Variants in CST3 observed in about 807,000 individuals in gnomAD.
CST3 encodes the protein cystatin-C.
CST3 carries 14 observed loss-of-function variants against 9.0 expected under a neutral mutation model. That is an observed-to-expected ratio of 1.56 (90% confidence interval 1.03 to 2.44). The LOEUF (loss-of-function observed/expected upper bound fraction) is 2.44. Ranked by LOEUF, CST3 falls within the 30% of genes most tolerant of loss-of-function variation. CST3 has a pLI of 0.00. For missense variants in CST3, 237 were observed against 204.3 expected (o/e 1.16, Z -0.98); for synonymous variants, 96 against 90.2 (o/e 1.06, Z -0.37).
Position 23,637,849 on chromosome 20 carries a change from A to G in CST3, c.14T>C (p.Leu5Pro). 7.8e-7 allele frequency: 1 copy of G among 1,283,840 alleles called. No homozygotes were observed. Among genetic ancestry groups the G allele is most frequent in the East Asian group, 4.6e-5 (1 of 21,928 alleles). 79.5% of individuals were successfully genotyped at this position (1,283,840 alleles called of 1,614,324 possible). The change falls in exon 1 of 3, where the codon CTG becomes CCG. Residue 5 changes from leucine to proline, a missense_variant. Leu to Pro is a moderately conservative substitution (Grantham distance 98, BLOSUM62 -3). Coordinates refer to ENST00000376925, the MANE Select transcript of CST3 (RefSeq NM_000099.4). MAGP[L>P]RAPLLLLAIL... ...GGCCAGCAGGAGCAGCGGGGCGCGC[A>G]GGGGCCCGGCCATGGTCGGCTAGGA...
In CST3 at chr20:23,633,919, G is replaced by A; in HGVS notation, c.438C>T (p.Ala146=). ...CAGGCCAGCCCGGTACAGACCCCTA[G>A]GCGTCCTGACAGGTGGATTTCGACA... ...MTLSKSTCQD[A] Residue 146 remains alanine (A), a synonymous_variant, in exon 3 of 3, where the codon GCC becomes GCT. Coordinates refer to ENST00000376925, the MANE Select transcript of CST3 (RefSeq NM_000099.4). The A allele has an allele frequency of 6.2e-7, 1 of 1,613,946 alleles. No homozygotes were observed. Among genetic ancestry groups the A allele is most frequent in the Non-Finnish European group, 8.5e-7 (1 of 1,179,842 alleles).
downstream of CST3, chr20:23,631,736 C>G (rs907293226): frequency 6.6e-6 from 1 of 152,164 alleles, no homozygotes; most frequent in Non-Finnish European, 1.5e-5. Context: ...CTGATCCCAC[C>G]CCAATGGTCA....
chr20:23,626,936 G>A (rs540104776), exon 4 of CST3: 1 of 152,236 alleles, frequency 6.6e-6, no homozygotes, highest in South Asian at 2.1e-4. Context: ...GGAACATATG[G>A]CTGGAAATTA....
intron 1 of CST3, 59 bp downstream of exon 1, chr20:23,637,561 C>CG (rs1979730191): frequency 7.1e-7 from 1 of 1,403,264 alleles, no homozygotes; most frequent in Non-Finnish European, 9.3e-7. Flanking sequence ...GGGAGCAGCG[C>CG]GGGGGGAGGC....
rs1465871279 is a variant in CST3 at position 23,637,768 on chromosome 20, G to C, written c.95C>G (p.Pro32Arg). Reference protein sequence around the residue: ...SPAAGSSPGKPPRLVGGPMDA... With the variant: ...SPAAGSSPGKRPRLVGGPMDA... ...CATGGGGCCTCCCACTAGGCGCGGC[G>C]GCTTGCCGGGACTGGAGCCGGCCGC... is the stretch of plus-strand genomic sequence containing the variant. Residue 32 changes from proline (P) to arginine (R), a missense_variant, in exon 1 of 3, where the codon CCG (proline) becomes CGG (arginine). Physicochemically the swap from Pro to Arg is moderately radical, Grantham distance 103. Transcript: ENST00000376925. 1 of 1,529,276 alleles carries C rather than the reference G, an allele frequency of 6.5e-7. No individual in the cohort carries two copies. Among genetic ancestry groups the C allele is most frequent in the African/African-American group, 1.4e-5 (1 of 69,996 alleles). The allele number at this position is 1,529,276 out of a possible 1,614,324, so 94.7% of individuals were successfully genotyped here. A position where few individuals can be genotyped will look rare whatever the true frequency, so the allele number is the denominator to read the frequency against.
intron 1 of CST3, among the ~76,000 whole-genome samples, chr20:23,636,246 G>A (rs993417350): frequency 6.6e-6 from 1 of 152,174 alleles, no homozygotes; most frequent in African/African-American, 2.4e-5. Flanking sequence ...AAACGCGGCT[G>A]GTCTGGACTC....
intron 2 of CST3, 120 bp from the exon 3 acceptor site, chr20:23,634,119 C>G: frequency 1.2e-6 from 1 of 809,176 alleles, no homozygotes; most frequent in Non-Finnish European, 2.1e-6. Context: ...GGGCCCTTAT[C>G]TACCCCTCCA....
intron 1 of CST3, among the ~76,000 whole-genome samples, chr20:23,636,461 C>T (rs1212007207): frequency 6.6e-6 from 1 of 152,148 alleles, no homozygotes; most frequent in East Asian, 1.9e-4. Flanking sequence ...AGGCATGCTC[C>T]ACCCCAGCAG....
At chr20:23,630,585 C>T (rs1473649844), downstream of CST3, among the ~76,000 whole-genome samples, 1 of 152,148 alleles carries the variant, frequency 6.6e-6, no homozygotes, top group African/African-American at 2.4e-5. Context: ...TCTCCAGCTT[C>T]GCCCTGGAGT....
rs758446804 is a variant in CST3, at chr20:23,634,017, G to C, written c.358-18C>G. On this transcript the variant is annotated intron_variant, in intron 2 of 2. Transcript: ENST00000376925. ...AATGCTTTCTGTGAAAGGAAACAGAGGGGACAATCAGTGTGGGTTACAGTT... is the reference window on the plus strand; with the variant it reads ...AATGCTTTCTGTGAAAGGAAACAGACGGGACAATCAGTGTGGGTTACAGTT... The C allele has an allele frequency of 1.4e-5, 23 of 1,605,940 alleles. No individual in the cohort carries two copies. In the East Asian group the frequency reaches 4.0e-4, roughly 28 times the overall value.
At chr20:23,632,934 T>C (rs1174232810), downstream of CST3, among the ~76,000 whole-genome samples, 2 of 152,194 alleles carry the variant, frequency 1.3e-5, no homozygotes, top group South Asian at 2.1e-4. Context: ...GTCGGTCTCA[T>C]TTGTGCTTTA....
At chr20:23,627,711 T>G (rs1302484860) in exon 4 of CST3, 1 of 152,208 alleles carries the variant, frequency 6.6e-6, no homozygotes, top group Non-Finnish European at 1.5e-5. Context: ...ACCACAACCA[T>G]GTAGTGGCTT....
At chr20:23,630,076 G>A (rs1856703510), downstream of CST3, among the ~76,000 whole-genome samples, 1 of 152,212 alleles carries the variant, frequency 6.6e-6, no homozygotes, top group African/African-American at 2.4e-5. Flanking sequence ...TGTTTTAGGA[G>A]CAACTGGACT....
exon 4 of CST3, chr20:23,627,310 T>C (rs1317623888): frequency 6.6e-6 from 1 of 152,240 alleles, no homozygotes; most frequent in African/African-American, 2.4e-5. Context: ...CATGGCTTGC[T>C]GGCTTCTTTC....
chr20:23,630,612 C>A (rs962946159), downstream of CST3, among the ~76,000 whole-genome samples: 1 of 152,064 alleles, frequency 6.6e-6, no homozygotes, highest in African/African-American at 2.4e-5. Context: ...ACAGGGCTGG[C>A]GATTTGCTCT....
exon 4 of CST3, chr20:23,627,753 C>T (rs904388804): frequency 2.6e-4 from 40 of 152,094 alleles, no homozygotes; most frequent in African/African-American, 8.0e-4. Flanking sequence ...TTTTGATTTG[C>T]CTTTTCCTAA....
chr20:23,627,124 TG>T (rs1404228722), exon 4 of CST3: 1 of 152,222 alleles, frequency 6.6e-6, no homozygotes, highest in African/African-American at 2.4e-5. Context: ...ACGTATAATC[TG>T]ATTTTAGAAC....
chr20:23,629,567 G>T (rs1979372651), downstream of CST3: 1 of 152,224 alleles, frequency 6.6e-6, no homozygotes. Context: ...AAGGCCTTTG[G>T]TTTATAAGCA....
chr20:23,634,169 G>A (rs1033099345), intron 2 of CST3, among the ~76,000 whole-genome samples, 170 bp from the exon 3 acceptor site: 35 of 152,032 alleles, frequency 2.3e-4, no homozygotes, highest in Admixed American at 6.5e-4. Context: ...GGACTGGGCA[G>A]TGACTGCTCC....
Sources: allele counts gnomAD v4.1 joint callset (sites outside exome capture counted in the v4.1 genomes callset), GRCh38; gene constraint gnomAD v4.1.1; transcripts MANE v1.5; gene names NCBI Gene and HGNC (gene_info 2026-07-23, HGNC 2026-07-21).